UBXN7: variants seen among roughly 807,000 people sequenced by gnomAD.
UBXN7 encodes the protein UBX domain-containing protein 7.
UBXN7 carries 9 observed loss-of-function variants against 58.0 expected under a neutral mutation model. That is an observed-to-expected ratio of 0.16 (90% CI 0.09 to 0.27). The LOEUF (loss-of-function observed/expected upper bound fraction) is 0.27. Among genes scored for constraint, UBXN7 ranks in the 10% least tolerant of loss-of-function variants. UBXN7 has a pLI of 1.00. For synonymous variants in UBXN7, 208 were observed against 205.0 expected (o/e 1.01, Z -0.12); for missense variants, 328 against 599.6 (o/e 0.55, Z 4.73).
Position 196,362,141 on chromosome 3 carries a change from G to A in UBXN7, c.1228+153C>T, listed in dbSNP as rs148766488. Among the ~76,000 whole-genome samples, 892 of 152,236 alleles carry A rather than the reference G, an allele frequency of 5.9e-3. 5 individuals carry two copies. Among genetic ancestry groups the A allele is most frequent in the African/African-American group, 0.02 (838 of 41,536 alleles). On this transcript the variant is annotated intron_variant, in intron 9 of 10. Coordinates refer to ENST00000296328, the MANE Select transcript of UBXN7 (RefSeq NM_015562.2). ...CCCAAGTAGCTGGGACTATAGGCAC[G>A]TGCCACCACACCTGGCTAAGTTTTG...
rs553197293 is a variant in UBXN7 at position 196,404,318 on chromosome 3, A to G, written c.222-1299T>C. Among the ~76,000 whole-genome samples the G allele has an allele frequency of 2.8e-5, 4 of 141,398 alleles. 1 individual carries two copies. The East Asian group carries it at 8.4e-4, about 30-fold the overall frequency. 92.8% of individuals were successfully genotyped at this position (141,398 alleles called of 152,430 possible). A position where few individuals can be genotyped will look rare whatever the true frequency, so the allele number is the denominator to read the frequency against. On this transcript the variant is annotated intron_variant, in intron 2 of 10. Coordinates refer to ENST00000296328, the MANE Select transcript of UBXN7 (RefSeq NM_015562.2). ...CACTCTGTGGCCCAGGCTGGAGTGCAGTGGTATGATCTCGGCTCACTGCAA... is the reference window on the plus strand; with the variant it reads ...CACTCTGTGGCCCAGGCTGGAGTGCGGTGGTATGATCTCGGCTCACTGCAA...
chr3:196,381,749 T>A (rs1023225712), intron 5 of UBXN7, among the ~76,000 whole-genome samples: 2 of 152,116 alleles, frequency 1.3e-5, no homozygotes, highest in African/African-American at 4.8e-5. Flanking sequence ...TGAAAAAAGA[T>A]TAGATGAATT....
intron 3 of UBXN7, among the ~76,000 whole-genome samples, chr3:196,401,823 G>GAGAAA (rs145395839): frequency 1.7e-5 from 2 of 120,314 alleles, no homozygotes; most frequent in African/African-American, 6.2e-5. Flanking sequence ...GAAAAGAGAA[G>GAGAAA]AGAGAAGAGA....
rs745497896 is a variant in UBXN7 at position 196,407,324 on chromosome 3, A to G, written c.143T>C (p.Met48Thr). 3.1e-6 allele frequency: 5 copies of G among 1,613,854 alleles called. No homozygotes were observed. The highest frequency in any genetic ancestry group is 4.2e-6 in the Non-Finnish European group (5 of 1,180,022). Residue 48 changes from methionine to threonine, a missense_variant, in exon 2 of 11, where the codon ATG (methionine) becomes ACG (threonine). Physicochemically the swap from Met to Thr is moderately conservative, Grantham distance 81. Around this residue, in one of 4 missense-constraint regions of UBXN7, gnomAD observed 106 missense variants for 124.3 expected, o/e 0.85. Coordinates refer to ENST00000296328, the MANE Select transcript of UBXN7 (RefSeq NM_015562.2). Reference sequence around the variant, plus strand: ...AGCGATTCCTCCACCATCCAAAAACATAGTGACTGCCATTTCCAGATTATT... The same window carrying G: ...AGCGATTCCTCCACCATCCAAAAACGTAGTGACTGCCATTTCCAGATTATT... ...CNNNLEMAVTMFLDGGGIAEE... is the reference protein window; with the variant it reads ...CNNNLEMAVTTFLDGGGIAEE...
At chr3:196,382,176 GAC>G (rs1340768505) in intron 5 of UBXN7, among the ~76,000 whole-genome samples, 1 of 152,112 alleles carries the variant, frequency 6.6e-6, no homozygotes, top group East Asian at 1.9e-4. Context: ...GCAACCCCAA[GAC>G]ACATAATTGT....
Position 196,429,661 on chromosome 3 carries a change from C to T in UBXN7, c.73+2666G>A, listed in dbSNP as rs535169796. On this transcript the variant is annotated intron_variant, in intron 1 of 10. Transcript: ENST00000296328. ...TTAATTATAAACACTACGATTAAAA[C>T]GTATGTGGAGAGAACCCCAAAAAAA... Among the ~76,000 whole-genome samples, 7 of 152,156 alleles carry T rather than the reference C, an allele frequency of 4.6e-5. No homozygotes were observed. In the East Asian group the frequency reaches 1.4e-3, roughly 29 times the overall value.
intron 5 of UBXN7, among the ~76,000 whole-genome samples, chr3:196,381,440 T>C (rs62409219): frequency 1.2e-3 from 181 of 151,900 alleles, no homozygotes; most frequent in South Asian, 7.7e-3. Context: ...GAATAGCATC[T>C]ACATCAACAA....
intron 8 of UBXN7, among the ~76,000 whole-genome samples, chr3:196,363,898 G>A (rs1577433874): frequency 6.6e-6 from 1 of 151,238 alleles, no homozygotes; most frequent in African/African-American, 2.4e-5. Flanking sequence ...ACCCCAGCCT[G>A]GTGACAGAGC....
intron 1 of UBXN7, among the ~76,000 whole-genome samples, chr3:196,417,118 C>G (rs890780749): frequency 2.0e-5 from 3 of 152,066 alleles, no homozygotes; most frequent in Non-Finnish European, 2.9e-5. Context: ...TCGAGACCAT[C>G]CTGGCTAACA....
intron 1 of UBXN7, among the ~76,000 whole-genome samples, chr3:196,417,095 C>G (rs1161783294): frequency 6.6e-6 from 1 of 152,144 alleles, no homozygotes; most frequent in Admixed American, 6.6e-5. Context: ...GGGCGGATCA[C>G]AAGGTCAGGA....
chr3:196,384,059 T>TA (rs1308584407), intron 5 of UBXN7, among the ~76,000 whole-genome samples: 1 of 152,042 alleles, frequency 6.6e-6, no homozygotes, highest in Non-Finnish European at 1.5e-5. Context: ...CTAGCAAGAC[T>TA]AATAAAGAAG....
intron 5 of UBXN7, among the ~76,000 whole-genome samples, chr3:196,383,198 CAA>C (rs1228820359): frequency 1.3e-5 from 2 of 151,528 alleles, no homozygotes; most frequent in Non-Finnish European, 2.9e-5. Flanking sequence ...CAACAAAAAT[CAA>C]AAGAGACAAA....
chr3:196,382,902 T>C (rs1363861694), intron 5 of UBXN7, among the ~76,000 whole-genome samples: 2 of 152,050 alleles, frequency 1.3e-5, no homozygotes, highest in East Asian at 3.9e-4. Flanking sequence ...GATCACGAGG[T>C]CAGGAGATCG....
rs74890878 is a variant in UBXN7 at position 196,359,067 on chromosome 3, C to T, written c.1309-2221G>A. ...GCTTCCAACGCCCTGTTTCATTGTG[C>T]TTCAAGTTACTGAAGGTCTGCGGCA... On this transcript the variant is annotated intron_variant, in intron 10 of 10. Coordinates refer to ENST00000296328, the MANE Select transcript of UBXN7 (RefSeq NM_015562.2). Among the ~76,000 whole-genome samples, 632 of 152,284 alleles carry T rather than the reference C, an allele frequency of 4.2e-3. 5 individuals are homozygous for T. Among genetic ancestry groups the T allele is most frequent in the African/African-American group, 0.014 (586 of 41,558 alleles).
intron 1 of UBXN7, among the ~76,000 whole-genome samples, chr3:196,426,546 T>C (rs1158519647): frequency 7.9e-5 from 12 of 151,892 alleles, no homozygotes; most frequent in Admixed American, 7.9e-4. Context: ...GGAAATGTTC[T>C]GTACAAAAGC....
At chr3:196,375,400 T>C (rs1301392103) in intron 5 of UBXN7, among the ~76,000 whole-genome samples, 4 of 152,058 alleles carry the variant, frequency 2.6e-5, no homozygotes, top group Admixed American at 6.6e-5. Flanking sequence ...GAGGATTGCT[T>C]AAGGCAAGGA....
chr3:196,425,304 T>C (rs1464264628), intron 1 of UBXN7, among the ~76,000 whole-genome samples: 1 of 152,082 alleles, frequency 6.6e-6, no homozygotes, highest in Non-Finnish European at 1.5e-5. Context: ...CACCACTATC[T>C]TTCTTGGGTT....
At chr3:196,412,276 A>G (rs567082345) in intron 1 of UBXN7, among the ~76,000 whole-genome samples, 2 of 151,914 alleles carry the variant, frequency 1.3e-5, no homozygotes, top group East Asian at 1.9e-4. Flanking sequence ...ATGAATATAC[A>G]ACGTGTGTAA....
At chr3:196,371,703 A>G (rs1577439510) in intron 6 of UBXN7, among the ~76,000 whole-genome samples, 193 bp downstream of exon 6, 1 of 152,128 alleles carries the variant, frequency 6.6e-6, no homozygotes, top group East Asian at 1.9e-4. Context: ...GGCTGGTCTC[A>G]AACTCCTGAC....
Sources: allele counts gnomAD v4.1 joint callset (sites outside exome capture counted in the v4.1 genomes callset), GRCh38; gene constraint gnomAD v4.1.1; regional missense constraint gnomAD v4.1.1; transcripts MANE v1.5; gene names NCBI Gene and HGNC (gene_info 2026-07-23, HGNC 2026-07-21).